Variants in CASR observed in about 807,000 individuals in gnomAD.
CASR encodes calcium sensing receptor, also known as extracellular calcium-sensing receptor.
In CASR, 23 loss-of-function variants were observed where a neutral mutation model predicts 69.1. That is an observed-to-expected ratio of 0.33 (90% CI 0.24 to 0.47). The LOEUF (loss-of-function observed/expected upper bound fraction) is 0.47. CASR is among the 20% of genes least tolerant of loss of function. The probability of loss-of-function intolerance (pLI) is 1.00; values close to 1 mark genes in which losing one functional copy is unlikely to be tolerated. For missense variants in CASR, 924 were observed against 1,356.1 expected (o/e 0.68, Z 5.00); for synonymous variants, 541 against 544.7 (o/e 0.99, Z 0.10).
chr3:122,284,909 C>G lies in CASR; in HGVS notation c.2955C>G (p.Asn985Lys). The part of the protein sequence containing the change: ...FSLSFDEPQK[N>K]AMAHRNSTHQ... ...TGAGCTTTGATGAGCCTCAGAAGAA[C>G]GCCATGGCCCACAGGAATTCTACGC... Residue 985 changes from asparagine to lysine, a missense_variant, in exon 7 of 7, where the codon AAC (asparagine) becomes AAG (lysine). Asn to Lys is a moderately conservative substitution (Grantham distance 94). This residue lies in a region of CASR where 201 missense variants were observed against 228.8 expected (regional missense o/e 0.88). Transcript: ENST00000639785. The G allele has an allele frequency of 6.2e-7, 1 of 1,614,180 alleles. No individual in the cohort carries two copies. The highest frequency in any genetic ancestry group is 8.5e-7 in the Non-Finnish European group (1 of 1,180,010).
At chr3:122,246,529 A>G (rs944729541) in intron 1 of CASR, 16 of 152,244 alleles carry the variant, frequency 1.1e-4, no homozygotes, top group African/African-American at 3.4e-4. Flanking sequence ...TGTAATGCCT[A>G]TAAAATAATT....
At chr3:122,247,561 C>G (rs2074439728) in intron 1 of CASR, 1 of 152,202 alleles carries the variant, frequency 6.6e-6, no homozygotes, top group Non-Finnish European at 1.5e-5. Context: ...GGAAACAGTT[C>G]AGGACAAGAA....
At chr3:122,202,257 A>C (rs2073963353) in intron 1 of CASR, among the ~76,000 whole-genome samples, 1 of 152,240 alleles carries the variant, frequency 6.6e-6, no homozygotes, top group Non-Finnish European at 1.5e-5. Context: ...TCTCCACCAA[A>C]AAATCCGAAA....
At chr3:122,238,505 C>G (rs1428334239) in intron 1 of CASR, among the ~76,000 whole-genome samples, 1 of 152,144 alleles carries the variant, frequency 6.6e-6, no homozygotes, top group African/African-American at 2.4e-5. Context: ...ACTGTAATTC[C>G]TAACTAAGCA....
chr3:122,249,988 C>A (rs549873011), intron 1 of CASR, among the ~76,000 whole-genome samples: 2 of 152,300 alleles, frequency 1.3e-5, no homozygotes, highest in East Asian at 3.9e-4. Context: ...TCAAGATGGT[C>A]TCTAGCTGTC....
chr3:122,222,723 A>G (rs2074183803), intron 1 of CASR, among the ~76,000 whole-genome samples: 1 of 152,222 alleles, frequency 6.6e-6, no homozygotes, highest in Admixed American at 6.5e-5. Flanking sequence ...TGGACCTAAT[A>G]GACATCTACA....
chr3:122,219,193 T>A (rs1384456056), intron 1 of CASR, among the ~76,000 whole-genome samples: 7 of 151,924 alleles, frequency 4.6e-5, no homozygotes, highest in African/African-American at 1.7e-4. Context: ...TGGGGAAAAA[T>A]TAATTATTTC....
rs933445547 is a variant in CASR at position 122,286,287 on chromosome 3, G to A, written c.*1096G>A. On this transcript the variant is annotated 3_prime_UTR_variant, in exon 7 of 7. Transcript: ENST00000639785. ...GCCAGAGAGACAGACCGGGGTTCAA[G>A]CCATGGCTTCGTCATTTGCAAGCTG... 1 of 152,174 alleles carries A rather than the reference G, an allele frequency of 6.6e-6. No homozygotes were observed. Among genetic ancestry groups the A allele is most frequent in the Non-Finnish European group, 1.5e-5 (1 of 68,038 alleles). The allele number at this position is 152,174 out of a possible 1,614,324, so 9.4% of individuals were successfully genotyped here. A position where few individuals can be genotyped will look rare whatever the true frequency, so the allele number is the denominator to read the frequency against.
chr3:122,276,064 A>G, intron 5 of CASR, 22 bp downstream of exon 5: 1 of 1,472,142 alleles, frequency 6.8e-7, no homozygotes, highest in Non-Finnish European at 9.5e-7. Flanking sequence ...CCATCAGAAA[A>G]CCAGATGTCT....
chr3:122,239,522 T>G (rs988275297), intron 1 of CASR, among the ~76,000 whole-genome samples: 1 of 152,268 alleles, frequency 6.6e-6, no homozygotes, highest in African/African-American at 2.4e-5. Context: ...CAAGCCTGGT[T>G]GGCTTCTTCA....
At chr3:122,263,719 A>G (rs1237667447) in intron 4 of CASR, among the ~76,000 whole-genome samples, 1 of 152,122 alleles carries the variant, frequency 6.6e-6, no homozygotes, top group Non-Finnish European at 1.5e-5. Flanking sequence ...CTCTTACCCA[A>G]CCATCACTGT....
intron 5 of CASR, among the ~76,000 whole-genome samples, chr3:122,280,794 T>G (rs2107647276): frequency 6.6e-6 from 1 of 152,306 alleles, no homozygotes; most frequent in East Asian, 1.9e-4. Context: ...TACAAAGTAG[T>G]AGGTAGAGGG....
In CASR at chr3:122,266,861, G is replaced by A. The variant is rs908762653; in HGVS notation, c.1377+4449G>A. Among the ~76,000 whole-genome samples the A allele has an allele frequency of 5.7e-4, 86 of 152,056 alleles. 1 individual carries two copies. The highest frequency in any genetic ancestry group is 5.5e-3 in the Admixed American group (84 of 15,262). Reference sequence around the variant, plus strand: ...CTACTAAAAATACAAAAAATTAGCCGGGTGTGGTGGCAGGCACCTGTAGTC... The same window carrying A: ...CTACTAAAAATACAAAAAATTAGCCAGGTGTGGTGGCAGGCACCTGTAGTC... On this transcript the variant is annotated intron_variant, in intron 4 of 6. Coordinates refer to ENST00000639785, the MANE Select transcript of CASR (RefSeq NM_000388.4).
chr3:122,212,589 G>T (rs1346264873), intron 1 of CASR, among the ~76,000 whole-genome samples: 1 of 151,406 alleles, frequency 6.6e-6, no homozygotes, highest in Non-Finnish European at 1.5e-5. Flanking sequence ...TTTAAAAAAA[G>T]AAATCAATGA....
rs530628291 is a variant in CASR at position 122,200,011 on chromosome 3, G to A, written c.-243+16199G>A. On this transcript the variant is annotated intron_variant, in intron 1 of 6. Transcript: ENST00000639785. ...CAACCTCCGCCTCCCCAGTTCAAGC[G>A]ATTCTCCTGCCTCAGCCTCCCAAGT... 3.9e-5 allele frequency among the ~76,000 whole-genome samples: 6 copies of A among 152,236 alleles called. No individual in the cohort carries two copies. In the South Asian group the frequency reaches 1.0e-3, roughly 26 times the overall value.
intron 1 of CASR, among the ~76,000 whole-genome samples, chr3:122,232,339 G>A (rs1200914025): frequency 2.0e-5 from 3 of 152,160 alleles, no homozygotes; most frequent in East Asian, 1.9e-4. Flanking sequence ...CAGAGAGCAC[G>A]AGAGTGAGGC....
chr3:122,279,513 A>G lies in CASR; in HGVS notation c.1609-2600A>G, dbSNP rs1368072327. ...ATGTATAAAATAAACATCATCTGCT[A>G]GTAGAGTTAGTGGTGAATGTACAGG... On this transcript the variant is annotated intron_variant, in intron 5 of 6. Coordinates refer to ENST00000639785, the MANE Select transcript of CASR (RefSeq NM_000388.4). Among the ~76,000 whole-genome samples, 6 of 152,352 alleles carry G rather than the reference A, an allele frequency of 3.9e-5. No homozygotes were observed. The East Asian group carries it at 1.2e-3, about 29-fold the overall frequency.
chr3:122,184,412 G>A (rs928208611), intron 1 of CASR: 1 of 152,542 alleles, frequency 6.6e-6, no homozygotes, highest in Non-Finnish European at 1.5e-5. Context: ...CCGTGACCTT[G>A]GCATAGGGAG....
At chr3:122,233,484 G>A (rs2074299076) in intron 1 of CASR, among the ~76,000 whole-genome samples, 1 of 152,216 alleles carries the variant, frequency 6.6e-6, no homozygotes, top group South Asian at 2.1e-4. Context: ...GCCTCAGGGT[G>A]TTGGGGAGTA....
Sources: gnomAD v4.1 joint callset for allele counts (sites outside exome capture counted in the v4.1 genomes callset) on GRCh38, gnomAD v4.1.1 for gene constraint, gnomAD v4.1.1 regional missense constraint, MANE v1.5 for transcripts, NCBI Gene and HGNC (gene_info 2026-07-23, HGNC 2026-07-21) for gene names.